The following CDK19 variants were observed in gnomAD, a reference collection of about 807,000 sequenced individuals.
CDK19 encodes the protein cyclin dependent kinase 19, also known as cyclin-dependent kinase 19.
A neutral mutation model predicts 68.3 loss-of-function variants in CDK19; 20 were observed. The ratio of observed to expected loss-of-function variants is 0.29; its 90% CI spans 0.21 to 0.43. The LOEUF (loss-of-function observed/expected upper bound fraction) is 0.43. Ranked by LOEUF, CDK19 falls within the 20% of genes least tolerant of loss-of-function variation. CDK19 has a pLI of 1.00. For synonymous variants in CDK19, 221 were observed against 222.8 expected (o/e 0.99, Z 0.07); for missense variants, 339 against 623.5 (o/e 0.54, Z 4.86).
chr6:110,631,371 G>A (rs1442890573), intron 6 of CDK19, among the ~76,000 whole-genome samples: 2 of 152,284 alleles, frequency 1.3e-5, no homozygotes, highest in South Asian at 2.1e-4. Flanking sequence ...CAGCTGGGCC[G>A]TGTGAGGATA....
At position 110,683,448 on chromosome 6, in the gene CDK19, C is replaced by CCA. The variant is rs144327800; in HGVS notation, c.205-12909_205-12908dup. Among the ~76,000 whole-genome samples, 50 of 152,154 alleles carry CCA rather than the reference C, an allele frequency of 3.3e-4. No homozygotes were observed. In the East Asian group the frequency reaches 9.1e-3, roughly 28 times the overall value. On this transcript the variant is annotated intron_variant, in intron 2 of 12. Coordinates refer to ENST00000368911, the MANE Select transcript of CDK19 (RefSeq NM_015076.5). Reference sequence around the variant, plus strand: ...GAGAGTGAGGCTGAGTTGGAAAATGCCACAGCATTTCCTTGCCAAAGTCCA... The same window carrying CCA: ...GAGAGTGAGGCTGAGTTGGAAAATGCCACACAGCATTTCCTTGCCAAAGTCCA...
chr6:110,779,777 T>G (rs1474614083), intron 1 of CDK19, among the ~76,000 whole-genome samples: 1 of 151,944 alleles, frequency 6.6e-6, no homozygotes, highest in Non-Finnish European at 1.5e-5. Context: ...TTTTTTAAAA[T>G]CTCATATTCT....
intron 2 of CDK19, among the ~76,000 whole-genome samples, chr6:110,714,993 C>T (rs7741585): frequency 0.021 from 3,164 of 152,196 alleles, 97 homozygotes; most frequent in African/African-American, 0.073. Context: ...CTCGGCCTCC[C>T]AAAGTGCTGG....
At chr6:110,731,530 T>G in intron 2 of CDK19, among the ~76,000 whole-genome samples, 1 of 152,232 alleles carries the variant, frequency 6.6e-6, no homozygotes, top group East Asian at 1.9e-4. Context: ...TGGTGATGGT[T>G]GCACGACGTG....
intron 4 of CDK19, among the ~76,000 whole-genome samples, chr6:110,656,836 CTAACTAACT>C (rs1362492972): frequency 6.6e-6 from 1 of 152,130 alleles, no homozygotes; most frequent in Non-Finnish European, 1.5e-5. Flanking sequence ...GGCTATTTAC[CTAACTAACT>C]TAAAGGTCAT....
chr6:110,740,742 T>C (rs903778861), intron 2 of CDK19, among the ~76,000 whole-genome samples: 2 of 152,168 alleles, frequency 1.3e-5, no homozygotes, highest in African/African-American at 4.8e-5. Flanking sequence ...TGTGTGCCTA[T>C]ATGAACTACA....
At chr6:110,797,857 T>C (rs1217103479) in intron 1 of CDK19, among the ~76,000 whole-genome samples, 1 of 151,814 alleles carries the variant, frequency 6.6e-6, no homozygotes, top group Non-Finnish European at 1.5e-5. Flanking sequence ...TGGTAGTGCA[T>C]GCCTGTAATC....
intron 2 of CDK19, among the ~76,000 whole-genome samples, chr6:110,674,608 T>C (rs1174757517): frequency 6.6e-6 from 1 of 152,142 alleles, no homozygotes; most frequent in Middle Eastern, 3.2e-3. Flanking sequence ...CAACATTACC[T>C]TAAGACAAAG....
chr6:110,695,375 A>G (rs1773386337), intron 2 of CDK19, among the ~76,000 whole-genome samples: 1 of 152,236 alleles, frequency 6.6e-6, no homozygotes, highest in East Asian at 1.9e-4. Flanking sequence ...AGGGACATTC[A>G]TAGCATTAAA....
intron 2 of CDK19, among the ~76,000 whole-genome samples, chr6:110,716,960 C>T (rs375845348): frequency 3.7e-4 from 57 of 152,150 alleles, no homozygotes; most frequent in African/African-American, 1.3e-3. Flanking sequence ...AGTGAAACCT[C>T]GTCTCTACTA....
At position 110,772,611 on chromosome 6, in the gene CDK19, T is replaced by C. The variant is rs151252231; in HGVS notation, c.129-26410A>G. On this transcript the variant is annotated intron_variant, in intron 1 of 12. Coordinates refer to ENST00000368911, the MANE Select transcript of CDK19 (RefSeq NM_015076.5). ...TACTAACTTTATGTCTAAGAGTACA[T>C]TGTTAGCTGCTATAGATCTCTTTCT... Among the ~76,000 whole-genome samples, 373 of 152,306 alleles carry C rather than the reference T, an allele frequency of 2.4e-3. 4 individuals are homozygous for C. Among genetic ancestry groups the C allele is most frequent in the Non-Finnish European group, 1.2e-3 (85 of 68,026 alleles).
At chr6:110,768,780 G>A (rs1212424288) in intron 1 of CDK19, among the ~76,000 whole-genome samples, 1 of 152,148 alleles carries the variant, frequency 6.6e-6, no homozygotes, top group Non-Finnish European at 1.5e-5. Context: ...GAGCTACTCT[G>A]TATGATACTG....
intron 4 of CDK19, among the ~76,000 whole-genome samples, chr6:110,661,667 G>A (rs927157829): frequency 9.2e-5 from 14 of 152,110 alleles, no homozygotes; most frequent in African/African-American, 3.1e-4. Flanking sequence ...CAAAGTATTG[G>A]CAAGGTTTTT....
At position 110,662,351 on chromosome 6, in the gene CDK19, G is replaced by C. The variant is rs78474629; in HGVS notation, c.456+5083C>G. On this transcript the variant is annotated intron_variant, in intron 4 of 12. Coordinates refer to ENST00000368911, the MANE Select transcript of CDK19 (RefSeq NM_015076.5). ...AAATCCTTCATTCAATAAAGACTTCGTGCTTATTGTGTACTAGGTTCTGGG... is the reference window on the plus strand; with the variant it reads ...AAATCCTTCATTCAATAAAGACTTCCTGCTTATTGTGTACTAGGTTCTGGG... Among the ~76,000 whole-genome samples the C allele has an allele frequency of 2.7e-3, 410 of 151,916 alleles. 5 individuals carry two copies. The highest frequency in any genetic ancestry group is 6.6e-3 in the East Asian group (34 of 5,188).
In CDK19 at chr6:110,718,278, C is replaced by T. The variant is rs75755818; in HGVS notation, c.204+27848G>A. Reference sequence around the variant, plus strand: ...GAGGATTTGAAATTTGGATATAGGCCCTAGAAGCTGGGGGTCTAAACCGCC... The same window carrying T: ...GAGGATTTGAAATTTGGATATAGGCTCTAGAAGCTGGGGGTCTAAACCGCC... On this transcript the variant is annotated intron_variant, in intron 2 of 12. Transcript: ENST00000368911. 9.2e-3 allele frequency among the ~76,000 whole-genome samples: 1,406 copies of T among 152,120 alleles called. 23 individuals carry two copies. Among genetic ancestry groups the T allele is most frequent in the African/African-American group, 0.032 (1,340 of 41,514 alleles).
chr6:110,772,547 C>T (rs904083787), intron 1 of CDK19, among the ~76,000 whole-genome samples: 7 of 152,204 alleles, frequency 4.6e-5, no homozygotes, highest in Non-Finnish European at 1.0e-4. Context: ...AACCATTCCT[C>T]TGATTCCCAT....
chr6:110,739,335 G>A (rs1329500058), intron 2 of CDK19, among the ~76,000 whole-genome samples: 3 of 152,100 alleles, frequency 2.0e-5, no homozygotes, highest in African/African-American at 7.2e-5. Context: ...GAAGACAGCC[G>A]TCCATCTGTG....
chr6:110,797,107 C>T (rs557325854), intron 1 of CDK19, among the ~76,000 whole-genome samples: 1 of 151,462 alleles, frequency 6.6e-6, no homozygotes, highest in South Asian at 2.1e-4. Context: ...TTTGGGAGGC[C>T]AAGGTGGGTG....
intron 1 of CDK19, among the ~76,000 whole-genome samples, chr6:110,766,704 CAA>C (rs1183233213): frequency 1.3e-5 from 2 of 152,060 alleles, no homozygotes; most frequent in African/African-American, 2.4e-5. Flanking sequence ...TGTAGGAGTA[CAA>C]AAAGTTGATC....
Sources: allele counts gnomAD v4.1 joint callset (sites outside exome capture counted in the v4.1 genomes callset), GRCh38; gene constraint gnomAD v4.1.1; transcripts MANE v1.5; gene names NCBI Gene and HGNC (gene_info 2026-07-23, HGNC 2026-07-21).